Variants in ESRRG observed in about 807,000 individuals in gnomAD.
ESRRG encodes the protein estrogen related receptor gamma, also known as estrogen-related receptor gamma.
Under a neutral mutation model 44.0 loss-of-function variants are expected in ESRRG, and 13 were observed. That is an observed-to-expected ratio of 0.30 (90% CI 0.19 to 0.47). The LOEUF (loss-of-function observed/expected upper bound fraction) is 0.47, where lower values mean the gene tolerates loss of function less well. Ranked by LOEUF, ESRRG falls within the 20% of genes least tolerant of loss-of-function variation. The pLI, the probability that ESRRG is intolerant of heterozygous loss-of-function variation, is 1.00. For synonymous variants in ESRRG, 215 were observed against 214.6 expected (o/e 1.00, Z -0.02); for missense variants, 395 against 580.6 (o/e 0.68, Z 3.29).
chr1:216,725,924 G>A (rs2087430437), upstream of ESRRG, among the ~76,000 whole-genome samples: 1 of 152,122 alleles, frequency 6.6e-6, no homozygotes, highest in Middle Eastern at 3.2e-3. Flanking sequence ...GATTTGTAGT[G>A]TATTTACCGG....
chr1:216,740,472 G>T lies in ESRRG; in HGVS notation c.-13-62981C>A, dbSNP rs576942595. ...TTTACAAGAGAGCCCCAGAGAAGAG[G>T]AGAGCACAACACAAGCTTCCCACTA... On this transcript the variant is annotated intron_variant, in intron 2 of 7. Coordinates refer to the ESRRG transcript ENST00000359162. 1.3e-4 allele frequency among the ~76,000 whole-genome samples: 20 copies of T among 152,062 alleles called. No homozygotes were observed. The South Asian group carries it at 4.0e-3, about 30-fold the overall frequency.
chr1:216,835,684 C>A (rs913133972), intron 2 of ESRRG, among the ~76,000 whole-genome samples: 1 of 152,130 alleles, frequency 6.6e-6, no homozygotes, highest in Non-Finnish European at 1.5e-5. Context: ...CCTAAACCTC[C>A]ATTTAACTTA....
At chr1:216,564,984 C>T (rs2059429366) in intron 4 of ESRRG, among the ~76,000 whole-genome samples, 1 of 152,050 alleles carries the variant, frequency 6.6e-6, no homozygotes, top group Non-Finnish European at 1.5e-5. Context: ...CCCCACACAC[C>T]CAGCCAGTCT....
At chr1:216,806,736 C>T (rs1018404974) in intron 2 of ESRRG, among the ~76,000 whole-genome samples, 2 of 152,052 alleles carry the variant, frequency 1.3e-5, no homozygotes, top group Non-Finnish European at 2.9e-5. Context: ...GAAACAAATC[C>T]CCTAATAGAC....
intron 1 of ESRRG, among the ~76,000 whole-genome samples, chr1:217,030,732 G>T (rs1048495420): frequency 3.9e-5 from 6 of 152,198 alleles, no homozygotes; most frequent in Admixed American, 1.3e-4. Flanking sequence ...TGTCCAATGT[G>T]GTGGCCACTG....
intron 1 of ESRRG, among the ~76,000 whole-genome samples, chr1:217,082,475 A>G (rs1331149915): frequency 6.6e-5 from 10 of 152,224 alleles, no homozygotes; most frequent in Non-Finnish European, 1.3e-4. Context: ...ATACGGCAAT[A>G]AGTGATCCAG....
rs538327941 is a variant in ESRRG at position 216,896,228 on chromosome 1, T to C, written c.-14+43354A>G. 3.3e-5 allele frequency among the ~76,000 whole-genome samples: 5 copies of C among 152,336 alleles called. No individual in the cohort carries two copies. In the East Asian group the frequency reaches 9.6e-4, roughly 29 times the overall value. On this transcript the variant is annotated intron_variant, in intron 2 of 7. Transcript: ENST00000359162. ...TGGGAGGAAAGAAGAACTACTCATG[T>C]TACTGGAAACATCTTCTGATACTTG...
intron 1 of ESRRG, among the ~76,000 whole-genome samples, chr1:217,028,694 C>A: frequency 6.6e-6 from 1 of 152,150 alleles, no homozygotes; most frequent in African/African-American, 2.4e-5. Flanking sequence ...AGGAAGTTTT[C>A]ACAAGATAGC....
intron 2 of ESRRG, among the ~76,000 whole-genome samples, chr1:216,780,473 T>C (rs1041269990): frequency 2.0e-5 from 3 of 152,100 alleles, no homozygotes; most frequent in Admixed American, 6.6e-5. Flanking sequence ...AGATATGGAA[T>C]AAGAGCTAGA....
chr1:217,110,091 C>G (rs2092644374), intron 1 of ESRRG, among the ~76,000 whole-genome samples: 1 of 152,150 alleles, frequency 6.6e-6, no homozygotes, highest in African/African-American at 2.4e-5. Flanking sequence ...GGAACACAGT[C>G]ACCAAACACA....
At chr1:216,837,430 T>C (rs1387960027) in intron 2 of ESRRG, among the ~76,000 whole-genome samples, 1 of 144,580 alleles carries the variant, frequency 6.9e-6, no homozygotes, top group Non-Finnish European at 1.5e-5. Flanking sequence ...ATACAACTTT[T>C]TCCATAGAAA....
At chr1:216,961,561 ATTT>A (rs35113256) in intron 1 of ESRRG, among the ~76,000 whole-genome samples, 6 of 131,956 alleles carry the variant, frequency 4.5e-5, no homozygotes, top group South Asian at 2.4e-4. Context: ...ATTTACTCTT[ATTT>A]TTTTTTTTTT....
At chr1:217,031,170 C>T (rs1181388418) in intron 1 of ESRRG, among the ~76,000 whole-genome samples, 1 of 152,186 alleles carries the variant, frequency 6.6e-6, no homozygotes, top group Non-Finnish European at 1.5e-5. Flanking sequence ...GTTGTAGAAA[C>T]CATGTGTGAC....
chr1:216,916,565 A>C (rs1363985967), intron 2 of ESRRG, among the ~76,000 whole-genome samples: 1 of 152,212 alleles, frequency 6.6e-6, no homozygotes, highest in Non-Finnish European at 1.5e-5. Flanking sequence ...ATGCACCGCC[A>C]GGCACGCGCA....
chr1:216,713,333 T>C (rs979049341), intron 1 of ESRRG, among the ~76,000 whole-genome samples: 2 of 149,866 alleles, frequency 1.3e-5, no homozygotes, highest in Non-Finnish European at 3.0e-5. Flanking sequence ...TAAAGAATCC[T>C]AACTTTATAA....
intron 3 of ESRRG, among the ~76,000 whole-genome samples, chr1:216,646,156 T>A (rs2067534463): frequency 6.6e-6 from 1 of 152,122 alleles, no homozygotes; most frequent in Non-Finnish European, 1.5e-5. Context: ...AGCCCCTTTT[T>A]TTCCTTTTTA....
chr1:216,840,468 T>C (rs1559830333), intron 2 of ESRRG, among the ~76,000 whole-genome samples: 1 of 152,170 alleles, frequency 6.6e-6, no homozygotes, highest in Non-Finnish European at 1.5e-5. Context: ...GGCTGTTTTG[T>C]TTTCTTATCA....
At chr1:216,878,595 A>T (rs568152151) in intron 2 of ESRRG, among the ~76,000 whole-genome samples, 1 of 152,322 alleles carries the variant, frequency 6.6e-6, no homozygotes, top group East Asian at 1.9e-4. Flanking sequence ...CATTAGGAAG[A>T]AACCCAGTTT....
intron 1 of ESRRG, among the ~76,000 whole-genome samples, chr1:217,018,505 G>A (rs1249903087): frequency 6.6e-6 from 1 of 152,088 alleles, no homozygotes; most frequent in South Asian, 2.1e-4. Flanking sequence ...TTTCTGAGCT[G>A]GTTCCTGCCT....
Sources: gnomAD v4.1 joint callset for allele counts (sites outside exome capture counted in the v4.1 genomes callset) on GRCh38, gnomAD v4.1.1 for gene constraint, MANE v1.5 for transcripts, NCBI Gene and HGNC (gene_info 2026-07-23, HGNC 2026-07-21) for gene names.